Variants in NAPEPLD observed in about 807,000 individuals in gnomAD.
NAPEPLD encodes the protein N-acyl phosphatidylethanolamine phospholipase D.
In NAPEPLD, 23 loss-of-function variants were observed where a neutral mutation model predicts 38.1. The observed-to-expected ratio is 0.60, with a 90% CI of 0.43 to 0.86. The LOEUF (loss-of-function observed/expected upper bound fraction) is 0.86. NAPEPLD is among the 40% of genes least tolerant of loss of function. NAPEPLD has a pLI of 0.00. For missense variants in NAPEPLD, 411 were observed against 476.8 expected (o/e 0.86, Z 1.28); for synonymous variants, 147 against 162.0 (o/e 0.91, Z 0.71).
intron 1 of NAPEPLD, chr7:103,129,327 C>T (rs1281607665): frequency 1.4e-5 from 14 of 984,968 alleles, no homozygotes; most frequent in Non-Finnish European, 1.7e-5. Flanking sequence ...CCTTTATCTC[C>T]TGTAATCCAA....
intron 3 of NAPEPLD, among the ~76,000 whole-genome samples, chr7:103,117,525 G>C (rs118041013): frequency 6.6e-6 from 1 of 152,296 alleles, no homozygotes; most frequent in East Asian, 1.9e-4. Context: ...ATTCCCTAAA[G>C]TAAGAATGAA....
intron 1 of NAPEPLD, chr7:103,142,064 G>A (rs1811518070): frequency 3.4e-6 from 2 of 586,018 alleles, no homozygotes; most frequent in South Asian, 4.2e-5. Context: ...AGTTCTGTGG[G>A]TGTTTCTGAT....
intron 4 of NAPEPLD, among the ~76,000 whole-genome samples, chr7:103,104,925 T>C (rs1243074826): frequency 1.3e-5 from 2 of 152,184 alleles, no homozygotes; most frequent in African/African-American, 4.8e-5. Context: ...CAGTACACAC[T>C]CACAGAATCA....
chr7:103,128,449 C>G, intron 2 of NAPEPLD, 34 bp downstream of exon 2: 1 of 1,606,056 alleles, frequency 6.2e-7, no homozygotes, highest in East Asian at 2.2e-5. Context: ...ATATGAAGAG[C>G]AAATATAAAG....
chr7:103,144,753 A>G (rs117159794), intron 1 of NAPEPLD, among the ~76,000 whole-genome samples: 8,757 of 151,838 alleles, frequency 0.058, 361 homozygotes, highest in African/African-American at 0.11. Context: ...CACACCTGTA[A>G]TCCCAGCACT....
chr7:103,106,031 C>T (rs1803262379), intron 4 of NAPEPLD, among the ~76,000 whole-genome samples: 1 of 151,474 alleles, frequency 6.6e-6, no homozygotes, highest in Non-Finnish European at 1.5e-5. Context: ...TCTGCATTTC[C>T]AACTGAGGTA....
At chr7:103,146,805 T>A (rs1445764940) in intron 1 of NAPEPLD, among the ~76,000 whole-genome samples, 1 of 152,152 alleles carries the variant, frequency 6.6e-6, no homozygotes, top group Non-Finnish European at 1.5e-5. Flanking sequence ...TATATTCTGC[T>A]GAAGGCTGGG....
intron 2 of NAPEPLD, among the ~76,000 whole-genome samples, chr7:103,123,728 T>G (rs558388559): frequency 7.2e-5 from 11 of 152,328 alleles, no homozygotes; most frequent in Admixed American, 2.0e-4. Flanking sequence ...GTTACAGCAC[T>G]CAGGCAAGGT....
chr7:103,120,367 C>CT (rs1473201964), intron 2 of NAPEPLD, 144 bp from the exon 3 acceptor site: 2 of 836,768 alleles, frequency 2.4e-6, no homozygotes, highest in African/African-American at 3.4e-5. Flanking sequence ...TACACTTTTG[C>CT]TTTTTTCTTG....
At chr7:103,139,017 G>A (rs190124347) in intron 1 of NAPEPLD, among the ~76,000 whole-genome samples, 16 of 152,304 alleles carry the variant, frequency 1.1e-4, no homozygotes, top group African/African-American at 2.9e-4. Context: ...CCCCAGGCTG[G>A]ACTGGCAAGG....
rs748971822 is a variant in NAPEPLD at position 103,119,682 on chromosome 7, A to T, written c.836T>A (p.Phe279Tyr). 3 of 1,614,234 alleles carry T rather than the reference A, an allele frequency of 1.9e-6. 1 individual carries two copies. In the South Asian group the frequency reaches 3.3e-5, roughly 18 times the overall value. Residue 279 changes from phenylalanine to tyrosine, a missense_variant, in exon 3 of 5, where the codon TTT becomes TAT. Coordinates refer to ENST00000465647, the MANE Select transcript of NAPEPLD (RefSeq NM_001122838.3). ...SWSVLGPWNRFFFAGDTGYCP... is the reference protein window; with the variant it reads ...SWSVLGPWNRYFFAGDTGYCP... ...ATAACCAGTATCTCCTGCGAAAAAA[A>T]ATCGATTCCAAGGCCCCAAGACAGA...
At chr7:103,138,933 C>G (rs1810650269) in intron 1 of NAPEPLD, among the ~76,000 whole-genome samples, 1 of 152,196 alleles carries the variant, frequency 6.6e-6, no homozygotes, top group Non-Finnish European at 1.5e-5. Context: ...GCTGTCCCCT[C>G]TAACTCAGCC....
intron 4 of NAPEPLD, among the ~76,000 whole-genome samples, chr7:103,113,672 C>G (rs1463421555): frequency 1.4e-5 from 2 of 143,308 alleles, no homozygotes; most frequent in Non-Finnish European, 3.0e-5. Flanking sequence ...GCTCTTTCAC[C>G]CAGGCTGGAA....
At chr7:103,133,186 G>T (rs538192342) in intron 1 of NAPEPLD, among the ~76,000 whole-genome samples, 3 of 152,114 alleles carry the variant, frequency 2.0e-5, no homozygotes, top group African/African-American at 7.2e-5. Context: ...CCATAAACAC[G>T]GCCTGAAACT....
chr7:103,143,650 C>T (rs551411576), intron 1 of NAPEPLD, among the ~76,000 whole-genome samples: 19 of 152,280 alleles, frequency 1.2e-4, no homozygotes, highest in African/African-American at 3.4e-4. Context: ...GGAATGGCAT[C>T]GAGGAGAGCC....
intron 1 of NAPEPLD, chr7:103,148,021 G>T (rs1217655860): frequency 1.0e-6 from 1 of 984,172 alleles, no homozygotes; most frequent in Non-Finnish European, 1.2e-6. Context: ...ACTATTGTGG[G>T]ATATAGGTAA....
At chr7:103,126,221 T>C (rs1045886362) in intron 2 of NAPEPLD, among the ~76,000 whole-genome samples, 1 of 152,146 alleles carries the variant, frequency 6.6e-6, no homozygotes, top group Non-Finnish European at 1.5e-5. Context: ...CTTTAGGAAA[T>C]CAGGTCTGCC....
In NAPEPLD at chr7:103,119,619, G is replaced by T. The variant is rs748738700; in HGVS notation, c.899C>A (p.Pro300His). The T allele has an allele frequency of 1.2e-6, 2 of 1,614,100 alleles. No homozygotes were observed. Among genetic ancestry groups the T allele is most frequent in the Admixed American group, 1.7e-5 (1 of 60,016 alleles). Reference sequence around the variant, plus strand: ...GATGGGAATAGCTGCAAGGTCAAAAGGTCCAAATCTTTTTCCTATCTCTTC... The same window carrying T: ...GATGGGAATAGCTGCAAGGTCAAAATGTCCAAATCTTTTTCCTATCTCTTC... Reference protein sequence around the residue: ...AFEEIGKRFGPFDLAAIPIGA... With the variant: ...AFEEIGKRFGHFDLAAIPIGA... Residue 300 changes from proline (P) to histidine (H), a missense_variant, in exon 3 of 5, where the codon CCT becomes CAT. Transcript: ENST00000465647.
chr7:103,112,292 A>C (rs1201308422), intron 4 of NAPEPLD, among the ~76,000 whole-genome samples: 1 of 152,064 alleles, frequency 6.6e-6, no homozygotes, highest in Non-Finnish European at 1.5e-5. Flanking sequence ...TACTATAAAG[A>C]CTCATGCACA....
Sources: gnomAD v4.1 joint callset for allele counts (sites outside exome capture counted in the v4.1 genomes callset) on GRCh38, gnomAD v4.1.1 for gene constraint, MANE v1.5 for transcripts, NCBI Gene and HGNC (gene_info 2026-07-23, HGNC 2026-07-21) for gene names.